RAPGEF5: variants seen among roughly 807,000 people sequenced by gnomAD.
RAPGEF5 encodes the protein M-Ras-regulated GEF.
RAPGEF5 carries 65 observed loss-of-function variants against 125.2 expected under a neutral mutation model. The observed-to-expected ratio is 0.52, with a 90% confidence interval of 0.43 to 0.64. The LOEUF is 0.64. RAPGEF5 is among the 30% of genes least tolerant of loss of function. The probability of loss-of-function intolerance (pLI) is 0.00; values close to 1 mark genes in which losing one functional copy is unlikely to be tolerated. For missense variants in RAPGEF5, 958 were observed against 1,048.1 expected (o/e 0.91, Z 1.19); for synonymous variants, 391 against 385.9 (o/e 1.01, Z -0.16).
chr7:22,164,632 G>A (rs557512241), intron 12 of RAPGEF5, among the ~76,000 whole-genome samples: 7 of 152,032 alleles, frequency 4.6e-5, no homozygotes, highest in African/African-American at 7.2e-5. Flanking sequence ...TATATTTACC[G>A]GTTAAATTTG....
At chr7:22,222,238 CAAAACA>C (rs1423957282) in intron 8 of RAPGEF5, among the ~76,000 whole-genome samples, 2 of 152,102 alleles carry the variant, frequency 1.3e-5, no homozygotes, top group East Asian at 3.9e-4. Flanking sequence ...GAGTCCATCT[CAAAACA>C]AAAACAAAAA....
At chr7:22,257,437 T>G (rs974461322) in intron 7 of RAPGEF5, among the ~76,000 whole-genome samples, 1 of 152,208 alleles carries the variant, frequency 6.6e-6, no homozygotes, top group Non-Finnish European at 1.5e-5. Flanking sequence ...ATTAATGCAT[T>G]CTATTTATGA....
chr7:22,217,522 T>C (rs10499545), intron 9 of RAPGEF5, among the ~76,000 whole-genome samples: 24,984 of 152,132 alleles, frequency 0.16, 2,139 homozygotes, highest in Admixed American at 0.21. Context: ...CTGCAAAAAC[T>C]GTAACCATCT....
chr7:22,166,068 A>ACATATATATATATCATATATATATATAT (rs1209921330), intron 12 of RAPGEF5, among the ~76,000 whole-genome samples: 7 of 146,680 alleles, frequency 4.8e-5, no homozygotes, highest in African/African-American at 1.2e-4. Flanking sequence ...TATATTATAT[A>ACATATATATATATCATATATATATATAT]CATATATATG....
intron 7 of RAPGEF5, among the ~76,000 whole-genome samples, chr7:22,263,548 G>A (rs1301856976): frequency 6.6e-6 from 1 of 152,024 alleles, no homozygotes; most frequent in East Asian, 1.9e-4. Context: ...TGGCCAACAT[G>A]GCGAAACACT....
intron 6 of RAPGEF5, among the ~76,000 whole-genome samples, chr7:22,276,207 C>T (rs1157844867): frequency 6.6e-6 from 1 of 152,008 alleles, no homozygotes; most frequent in Non-Finnish European, 1.5e-5. Flanking sequence ...TCTCAAGTTA[C>T]TTTTTTTGGT....
intron 8 of RAPGEF5, among the ~76,000 whole-genome samples, chr7:22,228,804 C>T (rs983856739): frequency 1.3e-5 from 2 of 151,990 alleles, no homozygotes; most frequent in Non-Finnish European, 2.9e-5. Context: ...CGAGCCACCA[C>T]GACTGTTACT....
chr7:22,232,309 G>C (rs1460008392), intron 7 of RAPGEF5, among the ~76,000 whole-genome samples: 1 of 128,272 alleles, frequency 7.8e-6, no homozygotes, highest in Non-Finnish European at 1.6e-5. Context: ...ACATTATTCT[G>C]TGTGCTTTTT....
At chr7:22,270,645 G>C (rs567517525) in intron 6 of RAPGEF5, among the ~76,000 whole-genome samples, 1 of 152,312 alleles carries the variant, frequency 6.6e-6, no homozygotes, top group African/African-American at 2.4e-5. Flanking sequence ...GACAGAAACA[G>C]TAAATTATTA....
In RAPGEF5 at chr7:22,290,258, C is replaced by A. The variant is rs150157848; in HGVS notation, c.747+917G>T. Reference sequence around the variant, plus strand: ...TTTTAATAATGGAGTTAAAGCAGAACTAAATAATTTTTGGGGAAGGCTAGA... The same window carrying A: ...TTTTAATAATGGAGTTAAAGCAGAAATAAATAATTTTTGGGGAAGGCTAGA... On this transcript the variant is annotated intron_variant, in intron 6 of 25. Coordinates refer to ENST00000665637, the MANE Select transcript of RAPGEF5 (RefSeq NM_012294.5). Among the ~76,000 whole-genome samples the A allele has an allele frequency of 3.5e-3, 538 of 152,208 alleles. 4 individuals are homozygous for A. Among genetic ancestry groups the A allele is most frequent in the African/African-American group, 0.012 (508 of 41,522 alleles).
At chr7:22,192,848 G>C (rs1393577155) in intron 11 of RAPGEF5, 2 of 162,784 alleles carry the variant, frequency 1.2e-5, no homozygotes, top group East Asian at 3.4e-4. Flanking sequence ...GAGTATCATA[G>C]TCTGCACCTC....
intron 7 of RAPGEF5, among the ~76,000 whole-genome samples, chr7:22,260,498 A>G (rs1782124079): frequency 6.6e-6 from 1 of 151,102 alleles, no homozygotes; most frequent in African/African-American, 2.4e-5. Context: ...AAAAAGACTG[A>G]GGAACCATCA....
At chr7:22,243,530 A>G (rs1033158715) in intron 7 of RAPGEF5, among the ~76,000 whole-genome samples, 15 of 152,208 alleles carry the variant, frequency 9.9e-5, no homozygotes, top group Admixed American at 9.2e-4. Flanking sequence ...TGCTAGGATT[A>G]CAGGCATGAG....
chr7:22,297,982 TTGTC>T (rs1169310906), intron 5 of RAPGEF5, among the ~76,000 whole-genome samples: 5 of 152,184 alleles, frequency 3.3e-5, no homozygotes, highest in Non-Finnish European at 5.9e-5. Context: ...CTCTAATTCT[TTGTC>T]TGCATCTATA....
intron 7 of RAPGEF5, among the ~76,000 whole-genome samples, chr7:22,234,312 G>T (rs1583503235): frequency 1.3e-5 from 2 of 152,290 alleles, no homozygotes; most frequent in South Asian, 2.1e-4. Context: ...TTAGATTTTT[G>T]AGTTCAATTT....
At chr7:22,312,161 A>C (rs557232809) in intron 3 of RAPGEF5, among the ~76,000 whole-genome samples, 1 of 152,118 alleles carries the variant, frequency 6.6e-6, no homozygotes, top group Non-Finnish European at 1.5e-5. Flanking sequence ...ATCTTCTTAA[A>C]GTATAGATTC....
chr7:22,318,138 GAAA>G (rs34008002), intron 1 of RAPGEF5, 101 bp from the exon 2 acceptor site: 1,189 of 697,478 alleles, frequency 1.7e-3, no homozygotes, highest in South Asian at 2.6e-3. Context: ...CCTCTGCTAT[GAAA>G]AAAAAAAAAA....
intron 7 of RAPGEF5, among the ~76,000 whole-genome samples, chr7:22,255,677 A>G (rs1786741655): frequency 6.6e-6 from 1 of 152,226 alleles, no homozygotes; most frequent in South Asian, 2.1e-4. Context: ...ATATCTTAGT[A>G]AAATATTTTG....
At chr7:22,250,659 C>T (rs1423924085) in intron 7 of RAPGEF5, among the ~76,000 whole-genome samples, 1 of 151,228 alleles carries the variant, frequency 6.6e-6, no homozygotes, top group South Asian at 2.1e-4. Context: ...AAAATGTCCC[C>T]GGGGGGAAAA....
Sources: gnomAD v4.1 joint callset for allele counts (sites outside exome capture counted in the v4.1 genomes callset) on GRCh38, gnomAD v4.1.1 for gene constraint, MANE v1.5 for transcripts, NCBI Gene and HGNC (gene_info 2026-07-23, HGNC 2026-07-21) for gene names.